The following PDE8A variants were observed in gnomAD, a reference collection of about 807,000 sequenced individuals.
PDE8A encodes high affinity cAMP-specific and IBMX-insensitive 3',5'-cyclic phosphodiesterase 8A.
A neutral mutation model predicts 105.0 loss-of-function variants in PDE8A; 59 were observed. The ratio of observed to expected loss-of-function variants is 0.56; its 90% CI spans 0.46 to 0.70. The LOEUF is 0.70. PDE8A is among the 30% of genes least tolerant of loss of function. The probability of loss-of-function intolerance (pLI) is 0.00; values close to 1 mark genes in which losing one functional copy is unlikely to be tolerated. For missense variants in PDE8A, 1,014 were observed against 1,045.9 expected, an observed-to-expected ratio of 0.97 and a Z score of 0.42; for synonymous variants, 355 against 371.9, an observed-to-expected ratio of 0.95 and a Z score of 0.52.
chr15:85,051,580 T>G (rs760934915), intron 1 of PDE8A, among the ~76,000 whole-genome samples: 51 of 152,150 alleles, frequency 3.4e-4, no homozygotes, highest in Non-Finnish European at 6.0e-4. Context: ...ACCCAGGTAT[T>G]AAGCCCAGCA....
At chr15:84,990,449 G>A (rs922796905) in intron 1 of PDE8A, among the ~76,000 whole-genome samples, 1 of 151,946 alleles carries the variant, frequency 6.6e-6, no homozygotes, top group African/African-American at 2.4e-5. Flanking sequence ...AATTATTTTT[G>A]CCTATTCTAG....
rs149605340 is a variant in PDE8A, at chr15:84,994,050, C to T, written c.186+11702C>T. On this transcript the variant is annotated intron_variant, in intron 1 of 21. Coordinates refer to ENST00000394553, the MANE Select transcript of PDE8A (RefSeq NM_002605.3). ...TTGAGACGCATCTTGATCTGTCCTC[C>T]GTGTCTCTTCACTTTTCTTTTACTT... 8.5e-5 allele frequency among the ~76,000 whole-genome samples: 13 copies of T among 152,286 alleles called. No homozygotes were observed. The East Asian group carries it at 1.7e-3, about 20-fold the overall frequency.
At chr15:85,078,498 C>T (rs531009907) in intron 5 of PDE8A, among the ~76,000 whole-genome samples, 5 of 135,936 alleles carry the variant, frequency 3.7e-5, no homozygotes, top group East Asian at 2.3e-4. Context: ...TGCAGTGAGC[C>T]GAGATTGTGC....
chr15:84,991,364 C>T (rs2079883051), intron 1 of PDE8A, among the ~76,000 whole-genome samples: 1 of 152,124 alleles, frequency 6.6e-6, no homozygotes, highest in South Asian at 2.1e-4. Context: ...AACCAAATAG[C>T]TAATAACTAT....
Position 84,982,154 on chromosome 15 carries a change from G to A in PDE8A, c.-9G>A. 3 of 1,342,488 alleles carry A rather than the reference G, an allele frequency of 2.2e-6. No individual in the cohort carries two copies. Among genetic ancestry groups the A allele is most frequent in the African/African-American group, 1.5e-5 (1 of 65,524 alleles). The allele number at this position is 1,342,488 out of a possible 1,614,324, so 83.2% of individuals were successfully genotyped here. On this transcript the variant is annotated 5_prime_UTR_variant, in exon 1 of 22. Transcript: ENST00000394553. ...TACCCGCCAGCGTGTCCGCGGCGCC[G>A]CCGCCAGCATGGGCTGTGCCCCGAG...
intron 1 of PDE8A, among the ~76,000 whole-genome samples, chr15:85,009,469 C>G (rs2080205736): frequency 6.6e-6 from 1 of 151,984 alleles, no homozygotes; most frequent in South Asian, 2.1e-4. Flanking sequence ...AAGATCATAC[C>G]CATTGTAAAA....
At chr15:84,981,043 T>C (rs966016988), upstream of PDE8A, among the ~76,000 whole-genome samples, 1 of 152,156 alleles carries the variant, frequency 6.6e-6, no homozygotes, top group Non-Finnish European at 1.5e-5. Context: ...AGGAGGTCTT[T>C]CCACCGGCCT....
chr15:84,982,488 C>G, intron 1 of PDE8A, 140 bp downstream of exon 1: 1 of 477,178 alleles, frequency 2.1e-6, no homozygotes, highest in Non-Finnish European at 3.4e-6. Flanking sequence ...CTGATTGACG[C>G]CAGTCTCCCG....
chr15:85,040,370 T>TAAAAAAAAAA (rs35955528), intron 1 of PDE8A, among the ~76,000 whole-genome samples: 4 of 103,674 alleles, frequency 3.9e-5, no homozygotes, highest in East Asian at 2.9e-4. Context: ...ACCTCTTCTC[T>TAAAAAAAAAA]AAAAAAAAAA....
At chr15:85,013,101 T>C (rs2141336556) in intron 1 of PDE8A, among the ~76,000 whole-genome samples, 1 of 152,326 alleles carries the variant, frequency 6.6e-6, no homozygotes, top group South Asian at 2.1e-4. Flanking sequence ...AATTAAGGGC[T>C]ACACTAAATG....
At chr15:85,137,020 C>G (rs911503204) in intron 21 of PDE8A, among the ~76,000 whole-genome samples, 1 of 152,194 alleles carries the variant, frequency 6.6e-6, no homozygotes, top group Non-Finnish European at 1.5e-5. Flanking sequence ...TCACTCTACA[C>G]AAGACCAGAA....
intron 14 of PDE8A, among the ~76,000 whole-genome samples, chr15:85,114,294 T>C (rs1018417811): frequency 6.6e-6 from 1 of 152,210 alleles, no homozygotes; most frequent in Non-Finnish European, 1.5e-5. Flanking sequence ...GCACCAGTTC[T>C]CCAGTGTTGC....
At chr15:85,035,585 G>A (rs2080692885) in intron 1 of PDE8A, among the ~76,000 whole-genome samples, 1 of 151,898 alleles carries the variant, frequency 6.6e-6, no homozygotes, top group Non-Finnish European at 1.5e-5. Context: ...TTTTGTTTAA[G>A]GTGATTAGTT....
intron 11 of PDE8A, among the ~76,000 whole-genome samples, chr15:85,106,149 C>T (rs147393846): frequency 7.4e-4 from 113 of 152,078 alleles, no homozygotes; most frequent in Non-Finnish European, 1.2e-3. Flanking sequence ...TTCATACACC[C>T]TCTGCTGCTT....
chr15:85,072,666 G>C (rs1349596631), intron 3 of PDE8A, among the ~76,000 whole-genome samples: 1 of 151,564 alleles, frequency 6.6e-6, no homozygotes, highest in Admixed American at 6.6e-5. Context: ...CTAGGTTCCT[G>C]ATCCTGCAGA....
chr15:85,021,194 A>T (rs370277901), intron 1 of PDE8A, among the ~76,000 whole-genome samples: 5 of 152,164 alleles, frequency 3.3e-5, no homozygotes, highest in African/African-American at 1.2e-4. Flanking sequence ...CCCTCACCAG[A>T]CACTGATCTT....
intron 8 of PDE8A, among the ~76,000 whole-genome samples, chr15:85,092,254 G>GC (rs770052988): frequency 3.9e-5 from 6 of 152,066 alleles, no homozygotes; most frequent in Non-Finnish European, 2.9e-5. Flanking sequence ...GTGAAGCCCT[G>GC]CCAGGGGAAT....
chr15:85,059,538 C>T (rs926721518), intron 1 of PDE8A, among the ~76,000 whole-genome samples: 2 of 152,156 alleles, frequency 1.3e-5, no homozygotes, highest in Admixed American at 1.3e-4. Context: ...ATAATTGTTA[C>T]ATCTTGTTAC....
intron 1 of PDE8A, among the ~76,000 whole-genome samples, chr15:85,045,405 C>T (rs1432338827): frequency 1.3e-5 from 2 of 150,998 alleles, no homozygotes; most frequent in African/African-American, 2.4e-5. Context: ...ATGAAAAGAT[C>T]ACAGGAATTA....
Sources: allele counts gnomAD v4.1 joint callset (sites outside exome capture counted in the v4.1 genomes callset), GRCh38; gene constraint gnomAD v4.1.1; transcripts MANE v1.5; gene names NCBI Gene and HGNC (gene_info 2026-07-23, HGNC 2026-07-21).